SBF2: variants seen among roughly 807,000 people sequenced by gnomAD.
SBF2 encodes myotubularin-related protein 13.
In SBF2, 112 loss-of-function variants were observed where a neutral mutation model predicts 225.2. That is an observed-to-expected ratio of 0.50 (90% CI 0.43 to 0.58). The LOEUF (loss-of-function observed/expected upper bound fraction) is 0.58, where lower values mean the gene tolerates loss of function less well. Among genes scored for constraint, SBF2 ranks in the 20% least tolerant of loss-of-function variants. The pLI is 0.00. For missense variants in SBF2, 1,996 were observed against 2,206.2 expected (o/e 0.90, Z 1.91); for synonymous variants, 763 against 773.3 (o/e 0.99, Z 0.22).
chr11:10,000,225 C>T (rs1474535920), intron 8 of SBF2, among the ~76,000 whole-genome samples: 10 of 152,222 alleles, frequency 6.6e-5, no homozygotes, highest in Non-Finnish European at 2.9e-5. Flanking sequence ...TCTTCTATGA[C>T]AGTAACTTAA....
At position 9,790,552 on chromosome 11, in the gene SBF2, C is replaced by T. The variant is rs1852674569; in HGVS notation, c.4698+4G>A. On this transcript the variant is annotated splice_donor_region_variant and intron_variant, in intron 34 of 39. Coordinates refer to ENST00000256190, the MANE Select transcript of SBF2 (RefSeq NM_030962.4). ...AGTGAAACATAAATGATTTCTTACT[C>T]TACCTCTATTTCCAATGGTGAATAT... The T allele has an allele frequency of 1.9e-6, 3 of 1,581,594 alleles. No homozygotes were observed. The East Asian group carries it at 6.7e-5, about 35-fold the overall frequency.
At chr11:10,288,143 C>T (rs1425916310) in intron 1 of SBF2, among the ~76,000 whole-genome samples, 1 of 152,158 alleles carries the variant, frequency 6.6e-6, no homozygotes, top group Non-Finnish European at 1.5e-5. Context: ...GTCTGGGCTC[C>T]CAGAAGGGCC....
intron 32 of SBF2, among the ~76,000 whole-genome samples, chr11:9,807,676 A>C (rs1252603020): frequency 1.3e-5 from 2 of 152,224 alleles, no homozygotes; most frequent in Non-Finnish European, 2.9e-5. Flanking sequence ...GCTCGATTTC[A>C]GGACCCGTAT....
chr11:9,956,963 C>T (rs1403304923), intron 16 of SBF2: 4 of 152,174 alleles, frequency 2.6e-5, no homozygotes, highest in African/African-American at 9.7e-5. Flanking sequence ...ACAGGCAATT[C>T]TGCAAAAATT....
intron 9 of SBF2, among the ~76,000 whole-genome samples, chr11:9,994,639 A>T (rs907471621): frequency 6.7e-6 from 1 of 150,370 alleles, no homozygotes; most frequent in Non-Finnish European, 1.5e-5. Flanking sequence ...ATAAAATAGT[A>T]GTCATTTCTG....
At chr11:9,890,439 AG>A (rs993949835) in intron 17 of SBF2, among the ~76,000 whole-genome samples, 3 of 152,320 alleles carry the variant, frequency 2.0e-5, no homozygotes, top group African/African-American at 4.8e-5. Flanking sequence ...AGAATTTTGA[AG>A]AAAAAATATG....
At chr11:10,069,512 G>A (rs1346145423) in intron 2 of SBF2, among the ~76,000 whole-genome samples, 1 of 152,120 alleles carries the variant, frequency 6.6e-6, no homozygotes, top group Non-Finnish European at 1.5e-5. Flanking sequence ...TGGCTGCATA[G>A]TATTCTATGG....
At chr11:10,008,342 C>T (rs772642670) in intron 6 of SBF2, among the ~76,000 whole-genome samples, 5 of 152,200 alleles carry the variant, frequency 3.3e-5, no homozygotes, top group Non-Finnish European at 5.9e-5. Context: ...ACTGGTCCTA[C>T]AGGACCGTTT....
chr11:9,784,370 A>AAAAC lies in SBF2; in HGVS notation c.5296_5299dup (p.Leu1767CysfsTer13). ...TATTACCTGATGTTTTGTTACATCC[A>AAAAC]AAACAAACCAACGGGGCTTCCAACC... On this transcript the variant is annotated frameshift_variant, in exon 38 of 40. Coordinates refer to ENST00000256190, the MANE Select transcript of SBF2 (RefSeq NM_030962.4). LOFTEE classifies it high-confidence loss of function. The AAAAC allele has an allele frequency of 6.2e-7, 1 of 1,614,002 alleles. No homozygotes were observed. Among genetic ancestry groups the AAAAC allele is most frequent in the Non-Finnish European group, 8.5e-7 (1 of 1,179,826 alleles).
intron 16 of SBF2, among the ~76,000 whole-genome samples, chr11:9,932,981 A>C (rs921554819): frequency 1.3e-5 from 2 of 150,644 alleles, no homozygotes; most frequent in Non-Finnish European, 1.5e-5. Flanking sequence ...AAAAAAAAAA[A>C]AAAAAACAGG....
At chr11:9,893,275 C>G (rs929819661) in intron 17 of SBF2, among the ~76,000 whole-genome samples, 1 of 152,126 alleles carries the variant, frequency 6.6e-6, no homozygotes, top group Admixed American at 6.5e-5. Flanking sequence ...AAATAATTTT[C>G]CAAAGGGTAA....
intron 2 of SBF2, among the ~76,000 whole-genome samples, chr11:10,179,387 C>CAAA (rs60430976): frequency 4.1e-4 from 50 of 121,872 alleles, no homozygotes; most frequent in East Asian, 2.2e-3. Context: ...AACAAAAAAA[C>CAAA]AAAAAAAAAC....
intron 22 of SBF2, among the ~76,000 whole-genome samples, chr11:9,847,414 A>T (rs1856625029): frequency 6.6e-6 from 1 of 152,024 alleles, no homozygotes; most frequent in African/African-American, 2.4e-5. Flanking sequence ...CGAGTGAAGA[A>T]ACTGTCACAG....
intron 17 of SBF2, among the ~76,000 whole-genome samples, chr11:9,863,754 CTTT>C (rs57525886): frequency 3.5e-5 from 5 of 141,674 alleles, no homozygotes; most frequent in Admixed American, 1.4e-4. Flanking sequence ...CCCTCTCTCT[CTTT>C]TTTTTTTTTT....
Position 10,029,839 on chromosome 11 carries a change from T to C in SBF2, c.439A>G (p.Ser147Gly). The change falls in exon 5 of 40, where the codon AGC becomes GGC. Residue 147 changes from serine (S) to glycine (G), a missense_variant. By Grantham distance (56) the Ser-to-Gly change is moderately conservative. Transcript: ENST00000256190. ...LGLIYTVYVD[S>G]LNVSLESLIA... Reference sequence around the variant, plus strand: ...AGACTTTCCAAGGAGACATTCAGGCTGTCCACATACACGGTATAGATCAAA... The same window carrying C: ...AGACTTTCCAAGGAGACATTCAGGCCGTCCACATACACGGTATAGATCAAA... 1 of 1,613,922 alleles carries C rather than the reference T, an allele frequency of 6.2e-7. No homozygotes were observed. Among genetic ancestry groups the C allele is most frequent in the Non-Finnish European group, 8.5e-7 (1 of 1,179,788 alleles).
At chr11:10,146,724 G>T (rs1199611980) in intron 2 of SBF2, among the ~76,000 whole-genome samples, 1 of 152,072 alleles carries the variant, frequency 6.6e-6, no homozygotes, top group African/African-American at 2.4e-5. Context: ...TGACAAATGG[G>T]ATCTAATTAA....
At chr11:9,908,105 T>A (rs189337158) in intron 16 of SBF2, among the ~76,000 whole-genome samples, 1 of 152,314 alleles carries the variant, frequency 6.6e-6, no homozygotes, top group African/African-American at 2.4e-5. Context: ...TCTAGTGAAT[T>A]ATAAATAATA....
intron 1 of SBF2, among the ~76,000 whole-genome samples, chr11:10,200,289 A>T (rs998662691): frequency 6.6e-6 from 1 of 152,180 alleles, no homozygotes; most frequent in African/African-American, 2.4e-5. Context: ...GGAAGAATTT[A>T]AGTTAATGTG....
rs73420932 is a variant in SBF2, at chr11:10,299,378, G to A, written n.386+5114C>T. ...AAAAAAGGAAGTGTCCTGCAGTTGCGGTCCATGTGTGATGAGATGAATGGT... is the reference window on the plus strand; with the variant it reads ...AAAAAAGGAAGTGTCCTGCAGTTGCAGTCCATGTGTGATGAGATGAATGGT... On this transcript the variant is annotated intron_variant and non_coding_transcript_variant, in intron 1 of 5. Transcript: ENST00000685217. Among the ~76,000 whole-genome samples the A allele has an allele frequency of 7.9e-3, 1,192 of 150,508 alleles. 19 individuals carry two copies. The highest frequency in any genetic ancestry group is 0.027 in the African/African-American group (1,109 of 40,994).
Sources: gnomAD v4.1 joint callset for allele counts (sites outside exome capture counted in the v4.1 genomes callset) on GRCh38, gnomAD v4.1.1 for gene constraint, MANE v1.5 for transcripts, NCBI Gene and HGNC (gene_info 2026-07-23, HGNC 2026-07-21) for gene names.